Variants in SETD1B observed in about 807,000 individuals in gnomAD.
The protein encoded by SETD1B is SET domain containing 1B, histone lysine methyltransferase.
In SETD1B, 7 loss-of-function variants were observed where a neutral mutation model predicts 148.0. The ratio of observed to expected loss-of-function variants is 0.05; its 90% CI spans 0.03 to 0.09. The LOEUF is 0.09. Ranked by LOEUF, SETD1B falls within the 10% of genes least tolerant of loss-of-function variation. SETD1B has a pLI of 1.00. For synonymous variants in SETD1B, 1,361 were observed against 1,186.5 expected (o/e 1.15, Z -3.02); for missense variants, 2,155 against 2,729.9 (o/e 0.79, Z 4.69).
rs1377937501 is a variant in SETD1B at position 121,830,329 on chromosome 12, C to T, written c.*90C>T. The T allele has an allele frequency of 5.3e-6, 7 of 1,311,736 alleles. No individual in the cohort carries two copies. The highest frequency in any genetic ancestry group is 3.0e-5 in the African/African-American group (2 of 67,494). The allele number at this position is 1,311,736 out of a possible 1,614,324, so 81.3% of individuals were successfully genotyped here. ...GCCCCGGGGCCCGGCCCCCCGCGCCCGCCCCCATTTCAGGTGCTGTCCTCT... is the reference window on the plus strand; with the variant it reads ...GCCCCGGGGCCCGGCCCCCCGCGCCTGCCCCCATTTCAGGTGCTGTCCTCT... On this transcript the variant is annotated 3_prime_UTR_variant, in exon 17 of 17. Transcript: ENST00000604567. The surrounding 1 kb of genome is among the most constrained non-coding windows in gnomAD (Gnocchi z 5.7).
At chr12:121,799,729 G>GT (rs1875222517), upstream of SETD1B, 8 of 125,590 alleles carry the variant, frequency 6.4e-5, no homozygotes, top group African/African-American at 2.4e-4. Context: ...GGGGGGGGGG[G>GT]GTGGGGTGGG....
At position 121,823,321 on chromosome 12, in the gene SETD1B, C is replaced by T. The variant is rs909065828; in HGVS notation, c.4742C>T (p.Ala1581Val). Residue 1581 changes from alanine to valine, a missense_variant, in exon 12 of 17, where the codon GCC becomes GTC. Physicochemically the swap from Ala to Val is moderately conservative, Grantham distance 64 (BLOSUM62 0). Coordinates refer to ENST00000604567, the MANE Select transcript of SETD1B (RefSeq NM_001353345.2). ...GACTTCCGGAACGCGGGGATCCCAG[C>T]CCCTCCACCACCCCTTCCCCCCCAG... ...TLDFRNAGIP[A>V]PPPPLPPQPP... 1.8e-5 allele frequency: 28 copies of T among 1,537,942 alleles called. No individual in the cohort carries two copies. Among genetic ancestry groups the T allele is most frequent in the Non-Finnish European group, 2.4e-5 (27 of 1,139,470 alleles).
rs541550163 is a variant in SETD1B, at chr12:121,810,340, C to T, written c.1395C>T (p.Gly465=). 1.0e-5 allele frequency: 16 copies of T among 1,545,860 alleles called. No individual in the cohort carries two copies. The highest frequency in any genetic ancestry group is 7.3e-5 in the East Asian group (3 of 40,894). ...CCGACACCAACAGCATGGAGCTGGGCGGCCGGCCCACCTTCGGCTGGAGTC... is the reference window on the plus strand; with the variant it reads ...CCGACACCAACAGCATGGAGCTGGGTGGCCGGCCCACCTTCGGCTGGAGTC... The part of the protein sequence containing the change: ...PPPDTNSMEL[G]GRPTFGWSPE... Residue 465 remains glycine (G), a synonymous_variant, in exon 6 of 17, where the codon GGC becomes GGT. Coordinates refer to ENST00000604567, the MANE Select transcript of SETD1B (RefSeq NM_001353345.2). The surrounding 1 kb of genome is among the most constrained non-coding windows in gnomAD (Gnocchi z 7.6).
intron 11 of SETD1B, among the ~76,000 whole-genome samples, chr12:121,820,755 G>A (rs1876529748): frequency 6.6e-6 from 1 of 152,124 alleles, no homozygotes; most frequent in South Asian, 2.1e-4. Context: ...GGATGGTCTC[G>A]ATCTCCTGAC....
chr12:121,822,405 C>T (rs1876600515), intron 11 of SETD1B, 85 bp from the exon 12 acceptor site: 1 of 1,447,340 alleles, frequency 6.9e-7, no homozygotes, highest in Non-Finnish European at 9.2e-7. Flanking sequence ...GGCTGTGAGC[C>T]TGCCAGGTAT....
chr12:121,810,241 G>A lies in SETD1B; in HGVS notation c.1296G>A (p.Pro432=), dbSNP rs1334305481. Residue 432 remains proline (P), a synonymous_variant, in exon 6 of 17, where the codon CCG becomes CCA. Coordinates refer to ENST00000604567, the MANE Select transcript of SETD1B (RefSeq NM_001353345.2). The surrounding 1 kb of genome is among the most constrained non-coding windows in gnomAD (Gnocchi z 7.6). ...ARDSGEFRRA[P]APPPLPPAEP... is the part of the protein sequence containing the mutation. ...ACAGTGGGGAGTTCCGGAGGGCACC[G>A]GCGCCCCCACCCCTGCCACCTGCTG... 49 of 1,547,128 alleles carry A rather than the reference G, an allele frequency of 3.2e-5. No homozygotes were observed. In the East Asian group the frequency reaches 1.0e-3, roughly 32 times the overall value.
At chr12:121,793,333 A>G in the SETD1B span, 10 of 1,444,120 alleles carry the variant, frequency 6.9e-6, no homozygotes, top group African/African-American at 1.4e-4. Flanking sequence ...CTCGTCCCGG[A>G]TCAGCCCCCC....
At chr12:121,796,794 C>T in the SETD1B span, among the ~76,000 whole-genome samples, 1 of 152,196 alleles carries the variant, frequency 6.6e-6, no homozygotes, top group Non-Finnish European at 1.5e-5. Flanking sequence ...GTAATCCCAG[C>T]ACTTTGGGAG....
At chr12:121,790,949 C>T in the SETD1B span, among the ~76,000 whole-genome samples, 1 of 152,200 alleles carries the variant, frequency 6.6e-6, no homozygotes, top group Non-Finnish European at 1.5e-5. Context: ...TCTTGACTCA[C>T]TGCAATTTCC....
At chr12:121,813,396 G>C (rs749413380) in intron 6 of SETD1B, among the ~76,000 whole-genome samples, 2 of 152,318 alleles carry the variant, frequency 1.3e-5, no homozygotes, top group African/African-American at 4.8e-5. Flanking sequence ...CTGCCTGGCC[G>C]TCTGCCGCAG....
intron 10 of SETD1B, 70 bp from the exon 11 acceptor site, chr12:121,819,334 G>C: frequency 6.5e-7 from 1 of 1,540,812 alleles, no homozygotes; most frequent in South Asian, 1.2e-5. Context: ...GAGGCCATTG[G>C]TGAGGGGTCT....
rs1429934604 is a variant in SETD1B at position 121,805,272 on chromosome 12, A to G, written c.273+56A>G. ...CTCCCCCACCTCCCCGAGTTCGAAA[A>G]TAACGCCAGTCCTGACCGAGCCCAG... On this transcript the variant is annotated intron_variant, in intron 3 of 16. Transcript: ENST00000604567. This position sits in a 1 kb window ranked among gnomAD's most constrained non-coding sequence, Gnocchi z 4.2. 9 of 1,389,922 alleles carry G rather than the reference A, an allele frequency of 6.5e-6. No homozygotes were observed. In the East Asian group the frequency reaches 1.2e-4, roughly 19 times the overall value. 86.1% of individuals were successfully genotyped at this position (1,389,922 alleles called of 1,614,324 possible).
At chr12:121,819,283 A>T in intron 10 of SETD1B, 121 bp from the exon 11 acceptor site, 2 of 1,494,398 alleles carry the variant, frequency 1.3e-6, no homozygotes, top group Admixed American at 5.4e-5. Flanking sequence ...TGCCCCACAC[A>T]CATATCTGAG....
rs1266261262 is a variant in SETD1B at position 121,810,713 on chromosome 12, C to G, written c.1768C>G (p.Leu590Val). 1 of 1,551,150 alleles carries G rather than the reference C, an allele frequency of 6.4e-7. No individual in the cohort carries two copies. The highest frequency in any genetic ancestry group is 2.4e-5 in the East Asian group (1 of 40,916). The change falls in exon 6 of 17, where the codon CTT becomes GTT. Residue 590 changes from leucine to valine, a missense_variant. Coordinates refer to ENST00000604567, the MANE Select transcript of SETD1B (RefSeq NM_001353345.2). This position sits in a 1 kb window ranked among gnomAD's most constrained non-coding sequence, Gnocchi z 7.6. ...SDEDEELDLGLGPRPPPEPGP... is the reference protein window; with the variant it reads ...SDEDEELDLGVGPRPPPEPGP... ...CGAGGACGAGGAGCTCGACCTGGGC[C>G]TTGGGCCTCGGCCTCCACCTGAGCC...
Position 121,814,696 on chromosome 12 carries a change from C to G in SETD1B, c.2481C>G (p.Gly827=), listed in dbSNP as rs1352259236. Reference sequence around the variant, plus strand: ...GCCCCTTCTCCCTGAGCAACTCCGGCCCAGGCCGCGGGCAGCACTGGCCAC... The same window carrying G: ...GCCCCTTCTCCCTGAGCAACTCCGGGCCAGGCCGCGGGCAGCACTGGCCAC... ...YRGPFSLSNS[G]PGRGQHWPPL... is the part of the protein sequence containing the mutation. The change falls in exon 7 of 17, where the codon GGC becomes GGG. Residue 827 remains glycine (G), a synonymous_variant. Transcript: ENST00000604567. The G allele has an allele frequency of 1.9e-6, 3 of 1,550,420 alleles. No homozygotes were observed. In the African/African-American group the frequency reaches 4.1e-5, roughly 21 times the overall value.
upstream of SETD1B, chr12:121,803,183 C>CGG (rs1337225326): frequency 2.1e-5 from 3 of 143,306 alleles, no homozygotes; most frequent in Non-Finnish European, 3.0e-5. The surrounding 1 kb of genome is among the most constrained non-coding windows in gnomAD (Gnocchi z 4.7). Flanking sequence ...TCGCGAAGCC[C>CGG]GGGAGCCTCG....
chr12:121,822,880 C>T lies in SETD1B; in HGVS notation c.4301C>T (p.Pro1434Leu). ...CCTGGCCGGGACTTCAGCTTCACACCCACCTTCTCCGAGCCCAGCGGGCCC... is the reference window on the plus strand; with the variant it reads ...CCTGGCCGGGACTTCAGCTTCACACTCACCTTCTCCGAGCCCAGCGGGCCC... ...RTPGRDFSFTPTFSEPSGPLL... is the reference protein window; with the variant it reads ...RTPGRDFSFTLTFSEPSGPLL... The change falls in exon 12 of 17, where the codon CCC becomes CTC. Residue 1434 changes from proline to leucine, a missense_variant. Pro to Leu is a moderately conservative substitution (Grantham distance 98). Around this residue, in one of 11 missense-constraint regions of SETD1B, gnomAD observed 862 missense variants for 873.8 expected, o/e 0.99. Coordinates refer to ENST00000604567, the MANE Select transcript of SETD1B (RefSeq NM_001353345.2). The T allele has an allele frequency of 8.7e-6, 13 of 1,489,028 alleles. No homozygotes were observed. Among genetic ancestry groups the T allele is most frequent in the Non-Finnish European group, 1.2e-5 (13 of 1,113,998 alleles). 92.2% of individuals were successfully genotyped at this position (1,489,028 alleles called of 1,614,324 possible).
At position 121,828,004 on chromosome 12, in the gene SETD1B, C is replaced by T. The variant is rs1403637366; in HGVS notation, c.5661C>T (p.Asp1887=). The T allele has an allele frequency of 1.3e-6, 2 of 1,552,156 alleles. No homozygotes were observed. The highest frequency in any genetic ancestry group is 2.4e-5 in the South Asian group (2 of 84,070). The change falls in exon 16 of 17, where the codon GAC becomes GAT. Residue 1887 remains aspartate (D), a synonymous_variant. Coordinates refer to ENST00000604567, the MANE Select transcript of SETD1B (RefSeq NM_001353345.2). ...GIGSSYMFRV[D]HDTIIDATKC... Reference sequence around the variant, plus strand: ...GGAGCAGCTACATGTTCCGGGTGGACCATGACACCATCATCGACGCCACCA... The same window carrying T: ...GGAGCAGCTACATGTTCCGGGTGGATCATGACACCATCATCGACGCCACCA...
intron 6 of SETD1B, among the ~76,000 whole-genome samples, chr12:121,813,133 C>CG (rs1566550762): frequency 6.6e-6 from 1 of 152,178 alleles, no homozygotes; most frequent in Non-Finnish European, 1.5e-5. Context: ...GGCTGTGCCG[C>CG]GGGGCCACGG....
Sources: gnomAD v4.1 joint callset for allele counts (sites outside exome capture counted in the v4.1 genomes callset) on GRCh38, gnomAD v4.1.1 for gene constraint, gnomAD v4.1.1 regional missense constraint, Gnocchi (gnomAD v3.1) non-coding constraint, MANE v1.5 for transcripts, NCBI Gene and HGNC (gene_info 2026-07-23, HGNC 2026-07-21) for gene names.